The following NBPF15 variants were observed in gnomAD, a reference collection of about 807,000 sequenced individuals.
The protein encoded by NBPF15 is NBPF member 15, also known as NBPF family member NBPF15.
A neutral mutation model predicts 62.2 loss-of-function variants in NBPF15; 74 were observed. That is an observed-to-expected ratio of 1.19 (90% CI 0.99 to 1.44). The LOEUF (loss-of-function observed/expected upper bound fraction) is 1.44, where lower values mean the gene tolerates loss of function less well. NBPF15 is among the 40% of genes most tolerant of loss of function. The probability of loss-of-function intolerance (pLI) is 0.00; values close to 1 mark genes in which losing one functional copy is unlikely to be tolerated. For missense variants in NBPF15, 790 were observed against 550.0 expected, an observed-to-expected ratio of 1.44 and a Z score of -4.36; for synonymous variants, 244 against 209.7, an observed-to-expected ratio of 1.16 and a Z score of -1.41.
chr1:144,422,794 T>C lies in NBPF15; in HGVS notation c.*219A>G, dbSNP rs5013546. 2 of 1,167,344 alleles carry C rather than the reference T, an allele frequency of 1.7e-6. No homozygotes were observed. Among genetic ancestry groups the C allele is most frequent in the Non-Finnish European group, 2.4e-6 (2 of 834,318 alleles). The allele number at this position is 1,167,344 out of a possible 1,614,324, so 72.3% of individuals were successfully genotyped here. A position where few individuals can be genotyped will look rare whatever the true frequency, so the allele number is the denominator to read the frequency against. ...GTCTGACTGATCACTCCCGGCATGT[T>C]CTGCACAGTTATGTGAACGTGTCAC... On this transcript the variant is annotated 3_prime_UTR_variant, in exon 22 of 22. Coordinates refer to ENST00000581897, the MANE Select transcript of NBPF15 (RefSeq NM_001385408.1).
In NBPF15 at chr1:144,422,756, T is replaced by G. The variant is rs1231777827; in HGVS notation, c.*257A>C. 7.3e-6 allele frequency: 6 copies of G among 824,082 alleles called. No homozygotes were observed. The highest frequency in any genetic ancestry group is 5.9e-5 in the Admixed American group (2 of 33,732). The allele number at this position is 824,082 out of a possible 1,614,324, so 51.0% of individuals were successfully genotyped here. A position where few individuals can be genotyped will look rare whatever the true frequency, so the allele number is the denominator to read the frequency against. On this transcript the variant is annotated 3_prime_UTR_variant, in exon 22 of 22. Transcript: ENST00000581897. ...TTTGTAGCTACCCAGAGATACGTGG[T>G]TCAAATTAAAATGTCTGACTGATCA...
At chr1:144,451,046 C>T (rs1254479771) in intron 4 of NBPF15, among the ~76,000 whole-genome samples, 176 bp from the exon 5 acceptor site, 8 of 152,070 alleles carry the variant, frequency 5.3e-5, no homozygotes, top group Admixed American at 3.9e-4. Flanking sequence ...CATGCCAGCA[C>T]TGGCCTCTGA....
intron 10 of NBPF15, among the ~76,000 whole-genome samples, chr1:144,436,610 G>C (rs1678594746): frequency 6.6e-6 from 1 of 152,002 alleles, no homozygotes; most frequent in African/African-American, 2.4e-5. Flanking sequence ...TAACAAGCCT[G>C]CTCCCATCGC....
At chr1:144,426,621 A>G (rs1415588806) in intron 17 of NBPF15, among the ~76,000 whole-genome samples, 171 bp from the exon 18 acceptor site, 2 of 150,574 alleles carry the variant, frequency 1.3e-5, no homozygotes, top group Non-Finnish European at 1.5e-5. Context: ...GCCAGGTAGA[A>G]AAGAATGAAA....
At chr1:144,446,421 T>C (rs1553544070) in intron 6 of NBPF15, among the ~76,000 whole-genome samples, 1 of 152,308 alleles carries the variant, frequency 6.6e-6, no homozygotes, top group Non-Finnish European at 1.5e-5. Context: ...TAATTTTTCT[T>C]ACTTTATTGC....
chr1:144,457,287 G>C (rs1553547230), intron 3 of NBPF15, among the ~76,000 whole-genome samples: 1 of 152,074 alleles, frequency 6.6e-6, no homozygotes, highest in Non-Finnish European at 1.5e-5. Flanking sequence ...TGTGGGTGTA[G>C]TTAATGCTTC....
At chr1:144,436,293 G>A (rs1352972839) in intron 10 of NBPF15, among the ~76,000 whole-genome samples, 15 of 151,998 alleles carry the variant, frequency 9.9e-5, no homozygotes, top group Non-Finnish European at 1.6e-4. Flanking sequence ...AGTGGCTTCT[G>A]CTGTGTTATT....
At chr1:144,456,429 A>T (rs1276241997) in intron 4 of NBPF15, 108 bp downstream of exon 4, 43 of 816,212 alleles carry the variant, frequency 5.3e-5, no homozygotes, top group Non-Finnish European at 6.4e-5. Context: ...CATGCCAGGC[A>T]AGGCCCTGCG....
At position 144,461,474 on chromosome 1, in the gene NBPF15, C is replaced by G. The variant is rs1653046033; in HGVS notation, c.-1031G>C. On this transcript the variant is annotated 5_prime_UTR_variant, in exon 1 of 22. Coordinates refer to ENST00000581897, the MANE Select transcript of NBPF15 (RefSeq NM_001385408.1). ...TTCCCATCCAGACGGCATCCGTGCG[C>G]CACGCCTCGGCCCGCTCCTGGCGCC... 6.5e-6 allele frequency: 1 copy of G among 152,748 alleles called. No individual in the cohort carries two copies. The highest frequency in any genetic ancestry group is 2.4e-5 in the African/African-American group (1 of 41,534). The allele number at this position is 152,748 out of a possible 1,614,324, so 9.5% of individuals were successfully genotyped here. A position where few individuals can be genotyped will look rare whatever the true frequency, so the allele number is the denominator to read the frequency against.
chr1:144,432,063 G>T (rs1415304955), intron 13 of NBPF15, among the ~76,000 whole-genome samples: 1 of 152,012 alleles, frequency 6.6e-6, no homozygotes, highest in South Asian at 2.1e-4. Context: ...CTGAGGAATT[G>T]CCACACTGCC....
At chr1:144,443,061 T>G (rs1684735963) in intron 6 of NBPF15, 1 of 167,236 alleles carries the variant, frequency 6.0e-6, no homozygotes, top group Non-Finnish European at 1.4e-5. Flanking sequence ...CGCCTTTCCT[T>G]CACATACACA....
At chr1:144,427,513 A>G (rs1217816945) in intron 16 of NBPF15, among the ~76,000 whole-genome samples, 1 of 149,066 alleles carries the variant, frequency 6.7e-6, no homozygotes, top group African/African-American at 2.5e-5. Flanking sequence ...AATCTACAAG[A>G]TCTACAAAAT....
chr1:144,458,845 A>G (rs1347437113), intron 3 of NBPF15, among the ~76,000 whole-genome samples: 5 of 151,780 alleles, frequency 3.3e-5, no homozygotes, highest in African/African-American at 1.2e-4. Flanking sequence ...TTTGAGACCA[A>G]CCTGGGAAAC....
intron 6 of NBPF15, among the ~76,000 whole-genome samples, chr1:144,444,378 C>CGAA (rs1202163305): frequency 6.6e-6 from 1 of 151,202 alleles, no homozygotes; most frequent in African/African-American, 2.4e-5. Flanking sequence ...GACGAAATAA[C>CGAA]GAAGGCATTC....
At chr1:144,451,040 C>A (rs1373227720) in intron 4 of NBPF15, among the ~76,000 whole-genome samples, 170 bp from the exon 5 acceptor site, 1 of 152,020 alleles carries the variant, frequency 6.6e-6, no homozygotes, top group African/African-American at 2.4e-5. Flanking sequence ...AGGACCCATG[C>A]CAGCACTGGC....
Position 144,456,317 on chromosome 1 carries a change from G to A in NBPF15, c.-432+220C>T, listed in dbSNP as rs71236844. ...TGGAGAGAACACTCTCCTCTCCTGA[G>A]GTAAAATCACTTCCACCTGACGACG... On this transcript the variant is annotated intron_variant, in intron 4 of 21. Transcript: ENST00000581897. Among the ~76,000 whole-genome samples the A allele has an allele frequency of 6.2e-3, 937 of 152,084 alleles. 17 individuals are homozygous for A. The highest frequency in any genetic ancestry group is 0.021 in the African/African-American group (875 of 41,484).
intron 6 of NBPF15, among the ~76,000 whole-genome samples, chr1:144,446,974 AATT>A (rs1688001573): frequency 6.7e-6 from 1 of 148,506 alleles, no homozygotes; most frequent in Non-Finnish European, 1.5e-5. Flanking sequence ...GAGCTTTTCT[AATT>A]ATTACATAAG....
At chr1:144,458,192 A>T (rs1475559644) in intron 3 of NBPF15, among the ~76,000 whole-genome samples, 1 of 152,078 alleles carries the variant, frequency 6.6e-6, no homozygotes, top group Non-Finnish European at 1.5e-5. Context: ...ACGCTTATTT[A>T]GGTACGATCC....
chr1:144,445,247 T>C (rs1248539363), intron 6 of NBPF15, among the ~76,000 whole-genome samples: 3 of 132,810 alleles, frequency 2.3e-5, no homozygotes, highest in Non-Finnish European at 1.6e-5. Flanking sequence ...TGTGTGTGTG[T>C]GTGTTTGTGT....
Sources: allele counts gnomAD v4.1 joint callset (sites outside exome capture counted in the v4.1 genomes callset), GRCh38; gene constraint gnomAD v4.1.1; transcripts MANE v1.5; gene names NCBI Gene and HGNC (gene_info 2026-07-23, HGNC 2026-07-21).